KCTD1: variants seen among roughly 807,000 people sequenced by gnomAD.
KCTD1 encodes BTB/POZ domain-containing protein KCTD1.
Under a neutral mutation model 66.0 loss-of-function variants are expected in KCTD1, and 24 were observed. The ratio of observed to expected loss-of-function variants is 0.36; its 90% confidence interval spans 0.26 to 0.51. KCTD1 has a LOEUF of 0.51. Among genes scored for constraint, KCTD1 ranks in the 20% least tolerant of loss-of-function variants. The pLI is 0.95. For missense variants in KCTD1, 943 were observed against 1,205.2 expected, an observed-to-expected ratio of 0.78 and a Z score of 3.22; for synonymous variants, 511 against 517.2, an observed-to-expected ratio of 0.99 and a Z score of 0.16.
At chr18:26,603,750 T>G (rs2469418) in intron 1 of KCTD1, among the ~76,000 whole-genome samples, 48,783 of 95,188 alleles carry the variant, frequency 0.51, 9,000 homozygotes, top group African/African-American at 0.62. Context: ...CTCAAAAAAA[T>G]AAAATAAATA....
chr18:26,469,658 T>G (rs1980945585), intron 3 of KCTD1, among the ~76,000 whole-genome samples: 2 of 152,252 alleles, frequency 1.3e-5, no homozygotes, highest in African/African-American at 4.8e-5. Context: ...ACAATGATGA[T>G]ATTATATACA....
At chr18:26,533,334 G>A (rs1024563391) in intron 1 of KCTD1, among the ~76,000 whole-genome samples, 7 of 152,180 alleles carry the variant, frequency 4.6e-5, no homozygotes. Context: ...GATGGTTTTT[G>A]TCAACTGAGC....
intron 1 of KCTD1, among the ~76,000 whole-genome samples, chr18:26,535,161 T>C (rs1984639531): frequency 1.3e-5 from 2 of 151,866 alleles, no homozygotes; most frequent in Non-Finnish European, 2.9e-5. Context: ...CCTTCCCCCA[T>C]AAAGTACCTT....
intron 1 of KCTD1, among the ~76,000 whole-genome samples, chr18:26,626,465 A>C (rs1288333472): frequency 7.8e-6 from 1 of 128,514 alleles, no homozygotes; most frequent in South Asian, 2.6e-4. Flanking sequence ...TTCCCTGAGG[A>C]GGTGATTTTT....
intron 1 of KCTD1, among the ~76,000 whole-genome samples, chr18:26,509,819 T>C (rs1454495799): frequency 6.6e-6 from 1 of 152,230 alleles, no homozygotes; most frequent in African/African-American, 2.4e-5. Flanking sequence ...CTTCGGAATC[T>C]GAAGACCTGG....
chr18:26,599,280 T>C (rs1986836390), intron 1 of KCTD1: 8 of 759,996 alleles, frequency 1.1e-5, no homozygotes, highest in South Asian at 1.8e-5. Context: ...TCCTTCTCCA[T>C]TGAATTGTTT....
At chr18:26,497,572 A>T (rs1023959943) in intron 2 of KCTD1, among the ~76,000 whole-genome samples, 1 of 152,166 alleles carries the variant, frequency 6.6e-6, no homozygotes, top group Non-Finnish European at 1.5e-5. Flanking sequence ...TGATTACTAA[A>T]ATTTGCGTAT....
At chr18:26,563,173 G>A (rs62088561) in intron 1 of KCTD1, among the ~76,000 whole-genome samples, 8,486 of 152,266 alleles carry the variant, frequency 0.056, 290 homozygotes, top group African/African-American at 0.084. Context: ...GTTCAGTGAT[G>A]CAGCAAACAA....
intron 1 of KCTD1, among the ~76,000 whole-genome samples, chr18:26,509,913 A>T (rs16942377): frequency 0.042 from 6,330 of 152,292 alleles, 217 homozygotes; most frequent in African/African-American, 0.094. Flanking sequence ...CTAAGACAGG[A>T]ATAAATCGCC....
At chr18:26,584,748 T>G (rs560799523) in intron 1 of KCTD1, among the ~76,000 whole-genome samples, 1 of 151,766 alleles carries the variant, frequency 6.6e-6, no homozygotes, top group Non-Finnish European at 1.5e-5. Context: ...CTGTGTAGGG[T>G]GTGATGATGG....
chr18:26,601,818 T>G (rs561579034), intron 1 of KCTD1, among the ~76,000 whole-genome samples: 1 of 152,250 alleles, frequency 6.6e-6, no homozygotes, highest in South Asian at 2.1e-4. Flanking sequence ...ATTATTAGTG[T>G]ATACAATTGA....
upstream of KCTD1, chr18:26,549,662 A>T: frequency 2.1e-6 from 2 of 965,846 alleles, no homozygotes; most frequent in Middle Eastern, 5.3e-4. Flanking sequence ...GGAAAAAGCG[A>T]ACTTGTGTCT....
At chr18:26,544,289 T>C (rs1370102506) in intron 1 of KCTD1, 1 of 152,216 alleles carries the variant, frequency 6.6e-6, no homozygotes, top group African/African-American at 2.4e-5. Context: ...TCTTTGTTAA[T>C]CCTTGAATGC....
chr18:26,617,831 A>AGAAG (rs1170380555), intron 1 of KCTD1, among the ~76,000 whole-genome samples: 2 of 110,810 alleles, frequency 1.8e-5, no homozygotes, highest in East Asian at 5.5e-4. Context: ...AATCAGAGGA[A>AGAAG]GAAGGAAGGA....
chr18:26,651,075 A>G (rs1191522216), intron 1 of KCTD1, among the ~76,000 whole-genome samples: 1 of 152,224 alleles, frequency 6.6e-6, no homozygotes, highest in East Asian at 1.9e-4. Flanking sequence ...TGTTCTGATC[A>G]CAACAATCTC....
intron 1 of KCTD1, among the ~76,000 whole-genome samples, chr18:26,532,206 CTA>C (rs1984466559): frequency 6.6e-6 from 1 of 150,776 alleles, no homozygotes; most frequent in Non-Finnish European, 1.5e-5. Context: ...GATTCTGAGT[CTA>C]TGAGTCAGGA....
chr18:26,596,265 GCT>G (rs376630903), intron 1 of KCTD1, among the ~76,000 whole-genome samples: 3 of 150,534 alleles, frequency 2.0e-5, no homozygotes, highest in East Asian at 1.9e-4. Flanking sequence ...ATACCAGAAA[GCT>G]CTCTCTCTCT....
intron 1 of KCTD1, among the ~76,000 whole-genome samples, chr18:26,648,188 G>A (rs1350702641): frequency 6.6e-6 from 1 of 152,134 alleles, no homozygotes; most frequent in Non-Finnish European, 1.5e-5. Flanking sequence ...AAATGATGAT[G>A]GTGACTCTTA....
intron 1 of KCTD1, among the ~76,000 whole-genome samples, chr18:26,603,307 C>T (rs1986939360): frequency 1.3e-5 from 2 of 151,754 alleles, no homozygotes; most frequent in South Asian, 2.1e-4. Context: ...TGGTACACGC[C>T]TCTAGTCCCA....
Sources: gnomAD v4.1 joint callset for allele counts (sites outside exome capture counted in the v4.1 genomes callset) on GRCh38, gnomAD v4.1.1 for gene constraint, MANE v1.5 for transcripts, NCBI Gene and HGNC (gene_info 2026-07-23, HGNC 2026-07-21) for gene names.